Variants in SUN1 observed in about 807,000 individuals in gnomAD.
SUN1 encodes the protein Sad1 and UNC84 domain containing 1, also known as SUN domain-containing protein 1.
Under a neutral mutation model 103.2 loss-of-function variants are expected in SUN1, and 61 were observed. The observed-to-expected ratio is 0.59, with a 90% confidence interval of 0.48 to 0.73. The LOEUF (loss-of-function observed/expected upper bound fraction) is 0.73, where lower values mean the gene tolerates loss of function less well. Ranked by LOEUF, SUN1 falls within the 30% of genes least tolerant of loss-of-function variation. The pLI is 0.00. For synonymous variants in SUN1, 490 were observed against 425.7 expected, an observed-to-expected ratio of 1.15 and a Z score of -1.86; for missense variants, 1,052 against 1,034.6, an observed-to-expected ratio of 1.02 and a Z score of -0.23.
At chr7:865,444 C>T (rs746718374) in intron 15 of SUN1, among the ~76,000 whole-genome samples, 5 of 152,156 alleles carry the variant, frequency 3.3e-5, no homozygotes, top group Non-Finnish European at 5.9e-5. Flanking sequence ...GAATAGTACT[C>T]CATTGTGTAT....
intron 12 of SUN1, among the ~76,000 whole-genome samples, chr7:856,865 G>A (rs1827941858): frequency 6.6e-6 from 1 of 152,158 alleles, no homozygotes; most frequent in Admixed American, 6.5e-5. Context: ...CTGGTGGACA[G>A]GACACCTGCT....
intron 2 of SUN1, 122 bp downstream of exon 2, chr7:839,108 CGTGT>C: frequency 2.9e-5 from 28 of 961,012 alleles, no homozygotes; most frequent in Non-Finnish European, 3.6e-5. Context: ...TGTGTATGTG[CGTGT>C]ACAGACACAC....
intron 5 of SUN1, among the ~76,000 whole-genome samples, chr7:844,933 G>A (rs144331763): frequency 1.4e-3 from 209 of 152,346 alleles, no homozygotes; most frequent in Admixed American, 2.7e-3. Context: ...CACGTGAGCC[G>A]TGGCGTAGCT....
intron 1 of SUN1, among the ~76,000 whole-genome samples, chr7:835,817 G>A (rs1194610662): frequency 1.3e-5 from 2 of 152,166 alleles, no homozygotes; most frequent in Non-Finnish European, 2.9e-5. Flanking sequence ...GATGTTTCCC[G>A]GAGCCCTCGG....
chr7:850,412 GA>G (rs1198371016), intron 5 of SUN1: 1 of 176,904 alleles, frequency 5.7e-6, no homozygotes, highest in African/African-American at 2.4e-5. Context: ...TGTTAGCCAG[GA>G]TGGTCTCGAT....
chr7:854,845 A>G, intron 10 of SUN1, 75 bp from the exon 11 acceptor site: 2 of 1,064,546 alleles, frequency 1.9e-6, no homozygotes, highest in Non-Finnish European at 2.9e-6. Flanking sequence ...CCGTGTAGAA[A>G]CGCCTTGGCC....
chr7:832,056 A>G (rs1305035862), upstream of SUN1: 3 of 988,950 alleles, frequency 3.0e-6, no homozygotes, highest in African/African-American at 1.7e-5. Flanking sequence ...TGAGAGCTTC[A>G]GCCATCTAGG....
intron 5 of SUN1, 194 bp downstream of exon 5, chr7:843,714 T>G (rs1398007090): frequency 1.9e-4 from 270 of 1,434,836 alleles, no homozygotes; most frequent in Non-Finnish European, 2.4e-4. Context: ...GTTAGTAATT[T>G]TGTACCTAAA....
intron 2 of SUN1, among the ~76,000 whole-genome samples, chr7:840,638 T>C (rs923260440): frequency 1.8e-5 from 2 of 111,554 alleles, no homozygotes; most frequent in East Asian, 4.0e-4. Flanking sequence ...GACCATCTAT[T>C]CTTTTTTTTT....
intron 1 of SUN1, among the ~76,000 whole-genome samples, chr7:826,166 G>A (rs945212155): frequency 6.6e-6 from 1 of 152,158 alleles, no homozygotes; most frequent in Non-Finnish European, 1.5e-5. Context: ...GATGGAGGCT[G>A]CAGTGAGCTG....
In SUN1 at chr7:856,395, C is replaced by A. The variant is rs758955338; in HGVS notation, c.1388C>A (p.Thr463Lys). Residue 463 changes from threonine (T) to lysine (K), a missense_variant, in exon 12 of 19, where the codon ACA becomes AAA. By Grantham distance (78) the Thr-to-Lys change is moderately conservative (BLOSUM62 -1). Transcript: ENST00000401592. ...QKELEQTKQK[T>K]ISAVGEQLLP... ...GAACTAGAACAGACCAAGCAAAAAA[C>A]AATCAGGTAGGAGGATTTGGAAAAC... 4 of 1,614,102 alleles carry A rather than the reference C, an allele frequency of 2.5e-6. No individual in the cohort carries two copies. The highest frequency in any genetic ancestry group is 2.2e-5 in the South Asian group (2 of 91,080).
Position 857,905 on chromosome 7 carries a change from G to C in SUN1, c.1472G>C (p.Ser491Thr). 1 of 1,603,434 alleles carries C rather than the reference G, an allele frequency of 6.2e-7. No homozygotes were observed. The highest frequency in any genetic ancestry group is 8.5e-7 in the Non-Finnish European group (1 of 1,171,396). Residue 491 changes from serine to threonine, a missense_variant, in exon 13 of 19, where the codon AGC (serine) becomes ACC (threonine). Physicochemically the swap from Ser to Thr is moderately conservative, Grantham distance 58. Coordinates refer to ENST00000401592, the MANE Select transcript of SUN1 (RefSeq NM_001130965.3). ...ELDQLKSELSSWRHVKTGCET... is the reference protein window; with the variant it reads ...ELDQLKSELSTWRHVKTGCET... ...GATCAGCTAAAGTCAGAGCTGTCCA[G>C]CTGGCGACACGTGAAGACCGGCTGT...
rs748038824 is a variant in SUN1, at chr7:838,761, A to G, written c.78-37A>G. 9 of 1,488,130 alleles carry G rather than the reference A, an allele frequency of 6.0e-6. No homozygotes were observed. The African/African-American group carries it at 1.1e-4, about 19-fold the overall frequency. 92.2% of individuals were successfully genotyped at this position (1,488,130 alleles called of 1,614,324 possible). A position where few individuals can be genotyped will look rare whatever the true frequency, so the allele number is the denominator to read the frequency against. On this transcript the variant is annotated intron_variant, in intron 1 of 18. Coordinates refer to ENST00000401592, the MANE Select transcript of SUN1 (RefSeq NM_001130965.3). ...CATTTTGTTTCAGAATGGGGGCTATAAGCACTGCTTACCTCTGATGAGCTT... is the reference window on the plus strand; with the variant it reads ...CATTTTGTTTCAGAATGGGGGCTATGAGCACTGCTTACCTCTGATGAGCTT...
intron 17 of SUN1, among the ~76,000 whole-genome samples, chr7:872,196 T>C (rs1244753699): frequency 3.3e-5 from 5 of 152,174 alleles, no homozygotes; most frequent in Admixed American, 6.5e-5. Context: ...CTGCCACTCA[T>C]TAGTGTGTCC....
chr7:851,850 C>A (rs1822501294), intron 6 of SUN1, 100 bp from the exon 7 acceptor site: 4 of 1,274,614 alleles, frequency 3.1e-6, no homozygotes, highest in Non-Finnish European at 4.5e-6. Flanking sequence ...CCAGCTTCAT[C>A]TTCATGTGCT....
At chr7:849,392 G>A (rs1441335158) in intron 5 of SUN1, 7 of 623,446 alleles carry the variant, frequency 1.1e-5, no homozygotes, top group South Asian at 1.7e-5. Context: ...AGGAGCCATC[G>A]GCTGTGGGAA....
intron 5 of SUN1, among the ~76,000 whole-genome samples, chr7:846,840 T>A (rs1261273882): frequency 6.6e-6 from 1 of 151,352 alleles, no homozygotes; most frequent in African/African-American, 2.4e-5. Context: ...CAGTGAGACT[T>A]CTTCTCAACA....
chr7:857,531 T>C (rs1282792195), intron 12 of SUN1, among the ~76,000 whole-genome samples: 1 of 152,224 alleles, frequency 6.6e-6, no homozygotes, highest in Non-Finnish European at 1.5e-5. Context: ...TTAAATCGTT[T>C]TCAGAGAGAG....
In SUN1 at chr7:860,862, C is replaced by T. The variant is rs1411648116; in HGVS notation, c.1779+480C>T. On this transcript the variant is annotated intron_variant, in intron 14 of 18. Coordinates refer to ENST00000401592, the MANE Select transcript of SUN1 (RefSeq NM_001130965.3). Reference sequence around the variant, plus strand: ...AGACAAGAGAGTGTATGCGAGGGAACTCCCTTTATAAAACCATCAGATCTC... The same window carrying T: ...AGACAAGAGAGTGTATGCGAGGGAATTCCCTTTATAAAACCATCAGATCTC... Among the ~76,000 whole-genome samples the T allele has an allele frequency of 8.5e-5, 13 of 152,264 alleles. No homozygotes were observed. The East Asian group carries it at 2.1e-3, about 25-fold the overall frequency.
Sources: allele counts gnomAD v4.1 joint callset (sites outside exome capture counted in the v4.1 genomes callset), GRCh38; gene constraint gnomAD v4.1.1; transcripts MANE v1.5; gene names NCBI Gene and HGNC (gene_info 2026-07-23, HGNC 2026-07-21).